Variants in INTS1 observed in about 807,000 individuals in gnomAD.
The protein encoded by INTS1 is integrator complex subunit 1.
INTS1 carries 137 observed loss-of-function variants against 241.6 expected under a neutral mutation model. The observed-to-expected ratio is 0.57, with a 90% CI of 0.49 to 0.65. INTS1 has a LOEUF of 0.65. Among genes scored for constraint, INTS1 ranks in the 30% least tolerant of loss-of-function variants. The pLI, the probability that INTS1 is intolerant of heterozygous loss-of-function variation, is 0.00. For synonymous variants in INTS1, 1,692 were observed against 1,337.8 expected (o/e 1.26, Z -5.78); for missense variants, 3,073 against 3,032.2 (o/e 1.01, Z -0.32).
rs1781793622 is a variant in INTS1 at position 1,477,793 on chromosome 7, C to G, written c.4774G>C (p.Glu1592Gln). 1 of 1,612,536 alleles carries G rather than the reference C, an allele frequency of 6.2e-7. No individual in the cohort carries two copies. Among genetic ancestry groups the G allele is most frequent in the East Asian group, 2.2e-5 (1 of 44,888 alleles). Residue 1592 changes from glutamate (E) to glutamine (Q), a missense_variant, in exon 34 of 48, where the codon GAG becomes CAG. Coordinates refer to ENST00000404767, the MANE Select transcript of INTS1 (RefSeq NM_001080453.3). ...VVSSLLLQEEEPLAGGKPGAD... is the reference protein window; with the variant it reads ...VVSSLLLQEEQPLAGGKPGAD... Reference sequence around the variant, plus strand: ...CCCGGCTTCCCCCCAGCCAGGGGCTCCTCCTCCTGCAGCAGCAGGGAGCTC... The same window carrying G: ...CCCGGCTTCCCCCCAGCCAGGGGCTGCTCCTCCTGCAGCAGCAGGGAGCTC...
rs949820906 is a variant in INTS1 at position 1,490,673 on chromosome 7, A to G, written c.2166-991T>C. ...CCCCAGACTGACCCATGGATTCCAC[A>G]CTGTCTCCCTCGAAATCCCAGTCAT... On this transcript the variant is annotated intron_variant, in intron 16 of 47. Coordinates refer to ENST00000404767, the MANE Select transcript of INTS1 (RefSeq NM_001080453.3). Among the ~76,000 whole-genome samples, 3 of 152,236 alleles carry G rather than the reference A, an allele frequency of 2.0e-5. No individual in the cohort carries two copies. The East Asian group carries it at 5.8e-4, about 29-fold the overall frequency.
chr7:1,476,897 G>A lies in INTS1; in HGVS notation c.4960C>T (p.Pro1654Ser), dbSNP rs1030292281. The change falls in exon 36 of 48, where the codon CCC becomes TCC. Residue 1654 changes from proline to serine, a missense_variant. Physicochemically the swap from Pro to Ser is moderately conservative, Grantham distance 74. Coordinates refer to ENST00000404767, the MANE Select transcript of INTS1 (RefSeq NM_001080453.3). Reference protein sequence around the residue: ...RRKGKGQAQVPSFRPYLLTLF... With the variant: ...RRKGKGQAQVSSFRPYLLTLF... ...GTCAGGAGGTAGGGACGGAACGAGG[G>A]CACCTGGGCCTGACCTTTGCCCTGG... 6.2e-7 allele frequency: 1 copy of A among 1,611,852 alleles called. No individual in the cohort carries two copies. Among genetic ancestry groups the A allele is most frequent in the Non-Finnish European group, 8.5e-7 (1 of 1,179,622 alleles).
chr7:1,480,546 G>A, intron 29 of INTS1, 105 bp from the exon 30 acceptor site: 2 of 1,315,478 alleles, frequency 1.5e-6, no homozygotes, highest in Non-Finnish European at 2.1e-6. Context: ...CTGTCACCCA[G>A]GAGGAAGAGC....
Position 1,483,806 on chromosome 7 carries a change from T to C in INTS1, c.3477A>G (p.Thr1159=). ...QVFLRWSSGE[T]ATMHILVVHA... ...GGACCACGAGGATGTGCATGGTGGC[T>C]GTCTCCCCGCTGCTCCAGCGTAGGA... The change falls in exon 26 of 48, where the codon ACA becomes ACG. Residue 1159 remains threonine (T), a synonymous_variant. Transcript: ENST00000404767. The C allele has an allele frequency of 5.0e-6, 8 of 1,612,574 alleles. No individual in the cohort carries two copies. The highest frequency in any genetic ancestry group is 6.8e-6 in the Non-Finnish European group (8 of 1,179,670).
Position 1,499,018 on chromosome 7 carries a change from A to G in INTS1, c.1094T>C (p.Leu365Pro), listed in dbSNP as rs1783009902. The change falls in exon 8 of 48, where the codon CTG (leucine) becomes CCG (proline). Residue 365 changes from leucine (L) to proline (P), a missense_variant. Transcript: ENST00000404767. ...TSTCGYKEVR[L>P]LAVQKLEMWL... Reference sequence around the variant, plus strand: ...CATCTCCAGCTTCTGCACCGCCAGCAGCCGCACCTCCTTATAGCCGCAGGT... The same window carrying G: ...CATCTCCAGCTTCTGCACCGCCAGCGGCCGCACCTCCTTATAGCCGCAGGT... 7.1e-7 allele frequency: 1 copy of G among 1,417,868 alleles called. No homozygotes were observed. The highest frequency in any genetic ancestry group is 1.5e-5 in the African/African-American group (1 of 67,442). 87.8% of individuals were successfully genotyped at this position (1,417,868 alleles called of 1,614,324 possible).
In INTS1 at chr7:1,483,832, A is replaced by C; in HGVS notation, c.3451T>G (p.Phe1151Val). Reference protein sequence around the residue: ...YSWSESQDQVFLRWSSGETAT... With the variant: ...YSWSESQDQVVLRWSSGETAT... Reference sequence around the variant, plus strand: ...GTCTCCCCGCTGCTCCAGCGTAGGAAGACCTGGTCCTGAGACTCCGACTGT... The same window carrying C: ...GTCTCCCCGCTGCTCCAGCGTAGGACGACCTGGTCCTGAGACTCCGACTGT... Residue 1151 changes from phenylalanine (F) to valine (V), a missense_variant, in exon 26 of 48, where the codon TTC becomes GTC. Transcript: ENST00000404767. 1 of 1,611,940 alleles carries C rather than the reference A, an allele frequency of 6.2e-7. No individual in the cohort carries two copies. The highest frequency in any genetic ancestry group is 8.5e-7 in the Non-Finnish European group (1 of 1,179,012).
intron 46 of INTS1, 77 bp from the exon 47 acceptor site, chr7:1,471,032 G>C: frequency 6.6e-7 from 1 of 1,513,310 alleles, no homozygotes; most frequent in Non-Finnish European, 9.0e-7. Flanking sequence ...GGCGAGCTGA[G>C]CCGCCTGGAA....
intron 30 of INTS1, among the ~76,000 whole-genome samples, 178 bp downstream of exon 30, chr7:1,480,139 C>T (rs543061201): frequency 4.6e-5 from 7 of 152,378 alleles, no homozygotes; most frequent in East Asian, 1.9e-4. Flanking sequence ...GGGGGTGTTA[C>T]GTGAAAGCAG....
Position 1,493,759 on chromosome 7 carries a change from G to A in INTS1, c.2063C>T (p.Ala688Val), listed in dbSNP as rs367966750. The A allele has an allele frequency of 1.5e-5, 24 of 1,577,298 alleles. No individual in the cohort carries two copies. The highest frequency in any genetic ancestry group is 4.7e-5 in the East Asian group (2 of 42,522). Residue 688 changes from alanine (A) to valine (V), a missense_variant, in exon 15 of 48, where the codon GCG becomes GTG. Physicochemically the swap from Ala to Val is moderately conservative, Grantham distance 64. Coordinates refer to ENST00000404767, the MANE Select transcript of INTS1 (RefSeq NM_001080453.3). The surrounding 1 kb of genome is among the most constrained non-coding windows in gnomAD (Gnocchi z 5.3). ...HLVKRAAAVQ[A>V]DDVEVLKVGR... The stretch of plus-strand genomic sequence containing the variant: ...ATCCCCTGCAGAAGCCATACCATCC[G>A]CCTGCACGGCAGCCGCCCGCTTCAC...
chr7:1,499,656 C>T (rs772952780), intron 5 of INTS1, 24 bp from the exon 6 acceptor site: 5 of 1,576,210 alleles, frequency 3.2e-6, no homozygotes, highest in Admixed American at 3.5e-5. Flanking sequence ...ACACCCTCAG[C>T]CCCGAGCCCA....
Position 1,499,302 on chromosome 7 carries a change from G to C in INTS1, c.903C>G (p.Ile301Met), listed in dbSNP as rs199798521. ...EEEDSQTELL[I>M]AEEKLSPEQE... ...GCTCGGGGCTCAGCTTCTCCTCCGC[G>C]ATCAGCAACTCCGTCTGGCTGTCCT... Residue 301 changes from isoleucine (I) to methionine (M), a missense_variant, in exon 7 of 48, where the codon ATC (isoleucine) becomes ATG (methionine). By Grantham distance (10) the Ile-to-Met change is conservative. Transcript: ENST00000404767. 9 of 1,607,872 alleles carry C rather than the reference G, an allele frequency of 5.6e-6. No individual in the cohort carries two copies. Among genetic ancestry groups the C allele is most frequent in the Non-Finnish European group, 7.6e-6 (9 of 1,177,584 alleles).
intron 44 of INTS1, 198 bp from the exon 45 acceptor site, chr7:1,471,839 T>C: frequency 1.7e-6 from 1 of 603,584 alleles, no homozygotes; most frequent in Non-Finnish European, 2.9e-6. Flanking sequence ...ACTAGTGGCC[T>C]CCAAGGAGAG....
chr7:1,489,500 G>A, intron 17 of INTS1, 91 bp downstream of exon 17: 2 of 1,537,626 alleles, frequency 1.3e-6, no homozygotes, highest in South Asian at 2.4e-5. Context: ...CCCCAGCTGG[G>A]CTCATCCCAA....
chr7:1,477,943 A>G lies in INTS1; in HGVS notation c.4631-7T>C, dbSNP rs761416941. 31 of 1,612,026 alleles carry G rather than the reference A, an allele frequency of 1.9e-5. No individual in the cohort carries two copies. The Admixed American group carries it at 5.0e-4, about 26-fold the overall frequency. On this transcript the variant is annotated splice_polypyrimidine_tract_variant and splice_region_variant and intron_variant, in intron 33 of 47. Transcript: ENST00000404767. ...TCGATCAGCCCCTGGAGGACTGCGCAAGGGACAAAGAGACATGTGGGTCAC... is the reference window on the plus strand; with the variant it reads ...TCGATCAGCCCCTGGAGGACTGCGCGAGGGACAAAGAGACATGTGGGTCAC...
intron 35 of INTS1, 23 bp from the exon 36 acceptor site, chr7:1,476,941 G>A (rs375283830): frequency 3.3e-5 from 52 of 1,599,742 alleles, no homozygotes; most frequent in Middle Eastern, 1.9e-4. Context: ...GAAGAAGCCC[G>A]GATGGCCTCA....
rs140491630 is a variant in INTS1 at position 1,474,869 on chromosome 7, C to T, written c.5503-31G>A. On this transcript the variant is annotated intron_variant, in intron 39 of 47. Coordinates refer to ENST00000404767, the MANE Select transcript of INTS1 (RefSeq NM_001080453.3). ...GGGAGGGGCGCTCTGAGGCCGGGGCCGCTGGCTCCCCTCACTTGCCCACCC... is the reference window on the plus strand; with the variant it reads ...GGGAGGGGCGCTCTGAGGCCGGGGCTGCTGGCTCCCCTCACTTGCCCACCC... 829 of 1,551,944 alleles carry T rather than the reference C, an allele frequency of 5.3e-4. 2 individuals are homozygous for T. The highest frequency in any genetic ancestry group is 9.0e-4 in the South Asian group (76 of 84,126).
intron 12 of INTS1, 46 bp from the exon 13 acceptor site, chr7:1,495,599 T>C (rs1782810040): frequency 6.3e-7 from 1 of 1,582,106 alleles, no homozygotes; most frequent in Admixed American, 1.8e-5. Context: ...CCATGGGCCA[T>C]GAGGGGCTAA....
chr7:1,473,621 T>C lies in INTS1; in HGVS notation c.5902A>G (p.Thr1968Ala), dbSNP rs1170821489. Residue 1968 changes from threonine (T) to alanine (A), a missense_variant, in exon 42 of 48, where the codon ACC (threonine) becomes GCC (alanine). Transcript: ENST00000404767. ...KFVQFIHKYITYNAPAAISFL... is the reference protein window; with the variant it reads ...KFVQFIHKYIAYNAPAAISFL... ...GAGATGGCTGCTGGGGCATTGTAGG[T>C]AATGTACTTATGGATGAACTGCACA... is the stretch of plus-strand genomic sequence containing the variant. 1.2e-6 allele frequency: 2 copies of C among 1,612,756 alleles called. No individual in the cohort carries two copies. Among genetic ancestry groups the C allele is most frequent in the South Asian group, 1.1e-5 (1 of 90,922 alleles).
chr7:1,480,826 C>T lies in INTS1; in HGVS notation c.3949+9G>A, dbSNP rs1255235390. The T allele has an allele frequency of 3.9e-6, 6 of 1,548,250 alleles. No homozygotes were observed. In the South Asian group the frequency reaches 7.1e-5, roughly 18 times the overall value. ...GGGTCTCTGTGCTGGCCCCACCCCT[C>T]CCCAGTACCTCGGCGGGGCGGCAGG... On this transcript the variant is annotated intron_variant, in intron 29 of 47. Coordinates refer to ENST00000404767, the MANE Select transcript of INTS1 (RefSeq NM_001080453.3).
Sources: gnomAD v4.1 joint callset for allele counts (sites outside exome capture counted in the v4.1 genomes callset) on GRCh38, gnomAD v4.1.1 for gene constraint, Gnocchi (gnomAD v3.1) non-coding constraint, MANE v1.5 for transcripts, NCBI Gene and HGNC (gene_info 2026-07-23, HGNC 2026-07-21) for gene names.